FSTL5: variants seen among roughly 807,000 people sequenced by gnomAD.
The protein encoded by FSTL5 is follistatin like 5.
FSTL5 carries 62 observed loss-of-function variants against 89.1 expected under a neutral mutation model. The observed-to-expected ratio is 0.70, with a 90% CI of 0.57 to 0.86. The LOEUF is 0.86. FSTL5 is among the 40% of genes least tolerant of loss of function. The pLI is 0.00. For synonymous variants in FSTL5, 383 were observed against 346.2 expected (o/e 1.11, Z -1.18); for missense variants, 1,057 against 1,001.6 (o/e 1.06, Z -0.75).
chr4:161,596,182 T>G (rs1050038002), intron 7 of FSTL5, among the ~76,000 whole-genome samples: 3 of 151,950 alleles, frequency 2.0e-5, no homozygotes, highest in Non-Finnish European at 2.9e-5. Flanking sequence ...GCCTACTTAC[T>G]GACATACTTA....
intron 3 of FSTL5, among the ~76,000 whole-genome samples, chr4:162,003,589 T>G (rs1348208479): frequency 6.6e-6 from 1 of 152,138 alleles, no homozygotes; most frequent in African/African-American, 2.4e-5. Context: ...AAGGTTAGTG[T>G]TTTACTCACA....
intron 3 of FSTL5, among the ~76,000 whole-genome samples, chr4:162,027,972 T>C (rs910821426): frequency 6.6e-6 from 1 of 152,136 alleles, no homozygotes; most frequent in African/African-American, 2.4e-5. Context: ...GTATAAACCA[T>C]TTGTTGTCCT....
intron 12 of FSTL5, among the ~76,000 whole-genome samples, chr4:161,486,413 G>A (rs928959802): frequency 2.0e-5 from 3 of 152,106 alleles, no homozygotes; most frequent in Admixed American, 2.0e-4. Flanking sequence ...GGAGGGGAGA[G>A]AGGGTTTGGT....
chr4:161,694,317 T>C (rs1738058538), intron 6 of FSTL5, among the ~76,000 whole-genome samples: 1 of 152,162 alleles, frequency 6.6e-6, no homozygotes, highest in African/African-American at 2.4e-5. Context: ...TATCTGATGG[T>C]AGGTACCTTA....
intron 15 of FSTL5, among the ~76,000 whole-genome samples, chr4:161,430,116 A>G (rs866663978): frequency 5.9e-5 from 9 of 152,060 alleles, no homozygotes; most frequent in Middle Eastern, 3.2e-3. Context: ...AAGGCATCAA[A>G]GTCTCTTAAT....
Position 161,963,049 on chromosome 4 carries a change from C to T in FSTL5, c.161-42397G>A, listed in dbSNP as rs186094785. On this transcript the variant is annotated intron_variant, in intron 3 of 15. Transcript: ENST00000306100. ...TATTTTGTTTAGCTCAAACTTACAA[C>T]TAATATAGGAAGTATACAAGAGCTC... 1.8e-4 allele frequency among the ~76,000 whole-genome samples: 28 copies of T among 151,888 alleles called. No homozygotes were observed. In the East Asian group the frequency reaches 5.2e-3, roughly 28 times the overall value.
intron 3 of FSTL5, among the ~76,000 whole-genome samples, chr4:161,990,869 A>T (rs1442046952): frequency 6.6e-6 from 1 of 152,172 alleles, no homozygotes; most frequent in Non-Finnish European, 1.5e-5. Flanking sequence ...AACTGTGGAG[A>T]CCTAATCATG....
chr4:161,677,192 G>C (rs1737335333), intron 6 of FSTL5, among the ~76,000 whole-genome samples: 2 of 151,008 alleles, frequency 1.3e-5, no homozygotes, highest in South Asian at 4.2e-4. Flanking sequence ...TTTTTTTTTT[G>C]AGAAATGTTT....
At chr4:161,866,828 C>T (rs1433795443) in intron 4 of FSTL5, among the ~76,000 whole-genome samples, 1 of 151,586 alleles carries the variant, frequency 6.6e-6, no homozygotes, top group Non-Finnish European at 1.5e-5. Flanking sequence ...GAGAGATGAA[C>T]CCATTTGGAA....
At chr4:161,913,362 A>G (rs1006101944) in intron 4 of FSTL5, among the ~76,000 whole-genome samples, 3 of 152,076 alleles carry the variant, frequency 2.0e-5, no homozygotes, top group Non-Finnish European at 4.4e-5. Context: ...TGTGCAGCCT[A>G]GGGACTTGGT....
At chr4:161,398,497 G>GT (rs1488015950) in intron 15 of FSTL5, among the ~76,000 whole-genome samples, 1 of 152,044 alleles carries the variant, frequency 6.6e-6, no homozygotes, top group East Asian at 1.9e-4. Context: ...TAAAGAGAAA[G>GT]AGCTATGAGC....
At chr4:161,478,613 G>A (rs1729383026) in intron 13 of FSTL5, among the ~76,000 whole-genome samples, 1 of 151,750 alleles carries the variant, frequency 6.6e-6, no homozygotes, top group Non-Finnish European at 1.5e-5. Flanking sequence ...TTTTTTTAAA[G>A]GTGTTAAATT....
intron 14 of FSTL5, among the ~76,000 whole-genome samples, chr4:161,456,400 A>C (rs1733354794): frequency 6.6e-6 from 1 of 152,212 alleles, no homozygotes; most frequent in Non-Finnish European, 1.5e-5. Flanking sequence ...ATTAATTATA[A>C]ATATCTCAGA....
intron 6 of FSTL5, among the ~76,000 whole-genome samples, chr4:161,755,824 T>C (rs1037686270): frequency 2.6e-5 from 4 of 152,128 alleles, no homozygotes; most frequent in African/African-American, 9.6e-5. Context: ...ATTAGTGTTA[T>C]ACATTTTTTA....
At chr4:161,831,186 G>T (rs1350097215) in intron 4 of FSTL5, among the ~76,000 whole-genome samples, 1 of 151,770 alleles carries the variant, frequency 6.6e-6, no homozygotes, top group Non-Finnish European at 1.5e-5. Context: ...ATTTTATCAT[G>T]TATATATATT....
chr4:162,008,825 T>C (rs145644631), intron 3 of FSTL5, among the ~76,000 whole-genome samples: 103 of 152,088 alleles, frequency 6.8e-4, no homozygotes, highest in African/African-American at 2.4e-3. Flanking sequence ...AGTACTCCTC[T>C]AGGAAGAGCA....
At chr4:161,981,717 G>A (rs1195067593) in intron 3 of FSTL5, among the ~76,000 whole-genome samples, 1 of 152,120 alleles carries the variant, frequency 6.6e-6, no homozygotes, top group Non-Finnish European at 1.5e-5. Flanking sequence ...TTTGGATTTT[G>A]CCTTTTGGTT....
intron 7 of FSTL5, among the ~76,000 whole-genome samples, chr4:161,642,527 T>C (rs1182320069): frequency 6.6e-6 from 1 of 152,098 alleles, no homozygotes; most frequent in South Asian, 2.1e-4. Flanking sequence ...TACAGCAAGA[T>C]GGATATACAA....
At chr4:161,658,712 T>C (rs919113902) in intron 6 of FSTL5, among the ~76,000 whole-genome samples, 2 of 152,208 alleles carry the variant, frequency 1.3e-5, no homozygotes, top group Non-Finnish European at 2.9e-5. Context: ...TCTTTTTTAA[T>C]GTTACAAACT....
Sources: gnomAD v4.1 joint callset for allele counts (sites outside exome capture counted in the v4.1 genomes callset) on GRCh38, gnomAD v4.1.1 for gene constraint, MANE v1.5 for transcripts, NCBI Gene and HGNC (gene_info 2026-07-23, HGNC 2026-07-21) for gene names.